Variants in CNTN5 observed in about 807,000 individuals in gnomAD.
The protein encoded by CNTN5 is contactin-5.
Under a neutral mutation model 129.1 loss-of-function variants are expected in CNTN5, and 77 were observed. The ratio of observed to expected loss-of-function variants is 0.60; its 90% confidence interval spans 0.50 to 0.72. The LOEUF is 0.72. Ranked by LOEUF, CNTN5 falls within the 30% of genes least tolerant of loss-of-function variation. CNTN5 has a pLI of 0.00. For missense variants in CNTN5, 1,478 were observed against 1,328.8 expected (o/e 1.11, Z -1.75); for synonymous variants, 509 against 465.6 (o/e 1.09, Z -1.20).
At chr11:99,846,127 T>TAC (rs1947686345) in intron 6 of CNTN5, among the ~76,000 whole-genome samples, 1 of 55,324 alleles carries the variant, frequency 1.8e-5, no homozygotes, top group African/African-American at 8.0e-5. Context: ...TATACGGACA[T>TAC]AGACACACAC....
intron 8 of CNTN5, among the ~76,000 whole-genome samples, chr11:99,981,081 T>C (rs1158942959): frequency 1.5e-5 from 1 of 65,796 alleles, no homozygotes; most frequent in Admixed American, 1.7e-4. Context: ...CAATAGGATA[T>C]ATATATATAT....
intron 3 of CNTN5, among the ~76,000 whole-genome samples, chr11:99,612,156 A>T (rs577331534): frequency 5.3e-5 from 8 of 152,216 alleles, no homozygotes; most frequent in Non-Finnish European, 8.8e-5. Flanking sequence ...GACCATCCCT[A>T]CGAGGAAACT....
intron 6 of CNTN5, among the ~76,000 whole-genome samples, chr11:99,887,633 T>C (rs2135887634): frequency 6.6e-6 from 1 of 152,312 alleles, no homozygotes. Flanking sequence ...GTAGGAAAGC[T>C]GACAGTGCAG....
intron 1 of CNTN5, among the ~76,000 whole-genome samples, chr11:99,296,669 G>A (rs1013092503): frequency 1.3e-5 from 2 of 152,148 alleles, no homozygotes; most frequent in African/African-American, 4.8e-5. Context: ...TGGAAAAACA[G>A]GGCCAGGAAA....
At chr11:100,116,160 C>T (rs577598188) in intron 13 of CNTN5, among the ~76,000 whole-genome samples, 26 of 151,954 alleles carry the variant, frequency 1.7e-4, no homozygotes, top group Non-Finnish European at 3.1e-4. Flanking sequence ...ATCAAAAAGT[C>T]ACATATGAGA....
chr11:99,499,729 CAT>C (rs747588765), intron 2 of CNTN5, among the ~76,000 whole-genome samples: 8 of 152,184 alleles, frequency 5.3e-5, no homozygotes, highest in Non-Finnish European at 1.0e-4. Flanking sequence ...TTATTTGACA[CAT>C]GTCATATTTC....
At chr11:99,752,925 G>A (rs1448239522) in intron 3 of CNTN5, among the ~76,000 whole-genome samples, 3 of 152,094 alleles carry the variant, frequency 2.0e-5, no homozygotes, top group Non-Finnish European at 4.4e-5. Flanking sequence ...TCCAAGAAAT[G>A]AAGAGAGTCT....
At chr11:100,120,440 A>T (rs572426465) in intron 13 of CNTN5, among the ~76,000 whole-genome samples, 31 of 152,006 alleles carry the variant, frequency 2.0e-4, no homozygotes, top group Non-Finnish European at 2.9e-4. Context: ...CAACCCAAAA[A>T]AGTTCAAGCT....
intron 2 of CNTN5, among the ~76,000 whole-genome samples, chr11:99,458,453 A>G (rs140427978): frequency 4.6e-5 from 7 of 152,110 alleles, no homozygotes; most frequent in African/African-American, 1.7e-4. Context: ...GAGGTAATGC[A>G]TTTCTTCTAT....
Position 100,048,760 on chromosome 11 carries a change from A to T in CNTN5, c.981-12452A>T, listed in dbSNP as rs561444666. 4.6e-5 allele frequency among the ~76,000 whole-genome samples: 7 copies of T among 152,210 alleles called. No homozygotes were observed. The South Asian group carries it at 1.2e-3, about 27-fold the overall frequency. Reference sequence around the variant, plus strand: ...CAAGGTTTAGTCTCAGAAGATAGGGATAGAACAAAAATATTTTGAAGAGTA... The same window carrying T: ...CAAGGTTTAGTCTCAGAAGATAGGGTTAGAACAAAAATATTTTGAAGAGTA... On this transcript the variant is annotated intron_variant, in intron 9 of 24. Coordinates refer to ENST00000524871, the MANE Select transcript of CNTN5 (RefSeq NM_014361.4).
At chr11:99,239,000 C>CT (rs1555086121) in intron 1 of CNTN5, among the ~76,000 whole-genome samples, 7 of 151,978 alleles carry the variant, frequency 4.6e-5, no homozygotes, top group Non-Finnish European at 1.0e-4. Flanking sequence ...GACTCTATGA[C>CT]TTTTTTTACA....
intron 2 of CNTN5, among the ~76,000 whole-genome samples, chr11:99,413,124 C>G (rs558372535): frequency 6.6e-6 from 1 of 152,228 alleles, no homozygotes; most frequent in South Asian, 2.1e-4. Context: ...TCTGCCATAT[C>G]TTTGCAGGCA....
intron 1 of CNTN5, among the ~76,000 whole-genome samples, chr11:99,112,345 A>G (rs1387687868): frequency 6.6e-6 from 1 of 152,070 alleles, no homozygotes. Flanking sequence ...GTTATGTCAT[A>G]ATCTGAAATA....
intron 6 of CNTN5, among the ~76,000 whole-genome samples, chr11:99,906,804 T>C (rs1949519371): frequency 6.6e-6 from 1 of 152,176 alleles, no homozygotes; most frequent in Non-Finnish European, 1.5e-5. Flanking sequence ...AGGCTATTAA[T>C]TACTGCCTCA....
intron 2 of CNTN5, among the ~76,000 whole-genome samples, chr11:99,349,701 TA>T (rs1455868707): frequency 6.6e-6 from 1 of 152,138 alleles, no homozygotes; most frequent in Non-Finnish European, 1.5e-5. Context: ...TAAAGGGAGT[TA>T]AATAAAATTA....
chr11:99,862,822 A>G (rs760075278), intron 6 of CNTN5, among the ~76,000 whole-genome samples: 2 of 152,206 alleles, frequency 1.3e-5, no homozygotes, highest in Non-Finnish European at 2.9e-5. Flanking sequence ...TTCACCTACT[A>G]AAACCTCATT....
chr11:100,288,687 C>T (rs1245072985), intron 18 of CNTN5, among the ~76,000 whole-genome samples: 12 of 146,936 alleles, frequency 8.2e-5, no homozygotes, highest in South Asian at 2.2e-4. Context: ...CCTAACATCA[C>T]AATTAAAAGA....
chr11:99,089,493 T>C (rs1044040421), intron 1 of CNTN5, among the ~76,000 whole-genome samples: 1 of 152,198 alleles, frequency 6.6e-6, no homozygotes. Context: ...ACTTGCCTAG[T>C]GTTTCTTAGC....
intron 3 of CNTN5, among the ~76,000 whole-genome samples, chr11:99,575,498 A>G (rs551757542): frequency 1.3e-5 from 2 of 152,326 alleles, no homozygotes; most frequent in East Asian, 3.9e-4. Context: ...TTTGTTAAGA[A>G]CATGCTAAAA....
Sources: gnomAD v4.1 joint callset for allele counts (sites outside exome capture counted in the v4.1 genomes callset) on GRCh38, gnomAD v4.1.1 for gene constraint, MANE v1.5 for transcripts, NCBI Gene and HGNC (gene_info 2026-07-23, HGNC 2026-07-21) for gene names.